Variants in NWD2 observed in about 807,000 individuals in gnomAD.
The protein encoded by NWD2 is NACHT and WD repeat domain containing 2, also known as NACHT and WD repeat domain-containing protein 2.
In NWD2, 37 loss-of-function variants were observed where a neutral mutation model predicts 132.7. That is an observed-to-expected ratio of 0.28 (90% confidence interval 0.21 to 0.37). The LOEUF is 0.37. Among genes scored for constraint, NWD2 ranks in the 10% least tolerant of loss-of-function variants. The pLI is 1.00. For synonymous variants in NWD2, 705 were observed against 803.0 expected (o/e 0.88, Z 2.06); for missense variants, 1,592 against 2,122.4 (o/e 0.75, Z 4.91).
intron 2 of NWD2, among the ~76,000 whole-genome samples, chr4:37,326,459 A>G (rs1467796489): frequency 6.6e-6 from 1 of 152,074 alleles, no homozygotes; most frequent in Non-Finnish European, 1.5e-5. Flanking sequence ...TTTTATTCAC[A>G]TTGTAGAACA....
intron 3 of NWD2, among the ~76,000 whole-genome samples, chr4:37,399,756 G>A (rs565926254): frequency 6.6e-6 from 1 of 152,186 alleles, no homozygotes; most frequent in African/African-American, 2.4e-5. Context: ...ACTTGGGATT[G>A]TAATTTTATG....
chr4:37,288,356 G>A (rs986237631), intron 1 of NWD2, among the ~76,000 whole-genome samples: 12 of 152,194 alleles, frequency 7.9e-5, no homozygotes, highest in East Asian at 3.8e-4. Context: ...TGTCAACAAA[G>A]ATAAAGCCAA....
intron 1 of NWD2, among the ~76,000 whole-genome samples, chr4:37,298,053 G>C (rs1278247679): frequency 6.6e-6 from 1 of 152,104 alleles, no homozygotes; most frequent in African/African-American, 2.4e-5. Flanking sequence ...TCAGAAAGGA[G>C]GTACTTATTG....
chr4:37,333,924 A>C lies in NWD2; in HGVS notation c.240+7900A>C, dbSNP rs1719344394. Among the ~76,000 whole-genome samples, 4 of 152,234 alleles carry C rather than the reference A, an allele frequency of 2.6e-5. No individual in the cohort carries two copies. The South Asian group carries it at 8.3e-4, about 32-fold the overall frequency. On this transcript the variant is annotated intron_variant, in intron 2 of 6. Coordinates refer to ENST00000309447, the MANE Select transcript of NWD2 (RefSeq NM_001144990.2). ...TCTGGAGTTGAAAAGTGCAGTTGACATACTGAGGAATGTATCAGAGTCTCT... is the reference window on the plus strand; with the variant it reads ...TCTGGAGTTGAAAAGTGCAGTTGACCTACTGAGGAATGTATCAGAGTCTCT...
intron 3 of NWD2, among the ~76,000 whole-genome samples, chr4:37,424,590 A>C (rs1711938584): frequency 6.6e-6 from 1 of 152,232 alleles, no homozygotes; most frequent in Non-Finnish European, 1.5e-5. Context: ...AGAATAGGGC[A>C]TTTAAAGAGT....
At chr4:37,297,172 CA>C (rs1718512826) in intron 1 of NWD2, among the ~76,000 whole-genome samples, 1 of 144,692 alleles carries the variant, frequency 6.9e-6, no homozygotes, top group Admixed American at 6.7e-5. Flanking sequence ...CAGGATCCCT[CA>C]CAGACACCAA....
At chr4:37,407,751 G>A (rs1291216470) in intron 3 of NWD2, among the ~76,000 whole-genome samples, 2 of 152,212 alleles carry the variant, frequency 1.3e-5, no homozygotes, top group African/African-American at 4.8e-5. Flanking sequence ...CAACATGGTG[G>A]AATAGGATCA....
chr4:37,407,564 A>G (rs1037953656), intron 3 of NWD2, among the ~76,000 whole-genome samples: 8 of 152,210 alleles, frequency 5.3e-5, no homozygotes, highest in African/African-American at 1.9e-4. Flanking sequence ...CAGTGACGTG[A>G]GAGGGAGTGG....
At chr4:37,395,490 C>T (rs1284714995) in intron 3 of NWD2, among the ~76,000 whole-genome samples, 1 of 140,294 alleles carries the variant, frequency 7.1e-6, no homozygotes, top group Non-Finnish European at 1.5e-5. Flanking sequence ...CAGTCCCACA[C>T]CCAGTTTAAA....
chr4:37,272,394 A>G (rs1287279552), intron 1 of NWD2, among the ~76,000 whole-genome samples: 1 of 151,814 alleles, frequency 6.6e-6, no homozygotes, highest in Non-Finnish European at 1.5e-5. Flanking sequence ...AGTTGACAAA[A>G]TATACCATCG....
At chr4:37,350,343 T>C (rs1004655964) in intron 2 of NWD2, among the ~76,000 whole-genome samples, 25 of 152,186 alleles carry the variant, frequency 1.6e-4, no homozygotes, top group African/African-American at 5.8e-4. Context: ...TTTGTTTGTG[T>C]CCTCTCTTAC....
At chr4:37,421,846 AT>A (rs1032123228) in intron 3 of NWD2, among the ~76,000 whole-genome samples, 5 of 151,296 alleles carry the variant, frequency 3.3e-5, no homozygotes, top group Admixed American at 1.3e-4. Context: ...AAACAACAGA[AT>A]TTTTTTTTCA....
At chr4:37,315,243 G>T (rs904601984) in intron 1 of NWD2, among the ~76,000 whole-genome samples, 1 of 151,996 alleles carries the variant, frequency 6.6e-6, no homozygotes, top group African/African-American at 2.4e-5. Flanking sequence ...GTAAAGAATT[G>T]CATTCTGCTC....
intron 2 of NWD2, among the ~76,000 whole-genome samples, chr4:37,327,356 G>C (rs1038967292): frequency 1.3e-5 from 2 of 152,170 alleles, no homozygotes; most frequent in Non-Finnish European, 2.9e-5. Context: ...ACTAGAGGTA[G>C]GCACAGAAGA....
chr4:37,281,819 C>T (rs1718135770), intron 1 of NWD2, among the ~76,000 whole-genome samples: 1 of 152,058 alleles, frequency 6.6e-6, no homozygotes, highest in African/African-American at 2.4e-5. Context: ...ATCATGGTTA[C>T]AATCAAATTA....
intron 1 of NWD2, among the ~76,000 whole-genome samples, chr4:37,267,918 G>A (rs1717790045): frequency 6.6e-6 from 1 of 151,802 alleles, no homozygotes; most frequent in Non-Finnish European, 1.5e-5. Flanking sequence ...TGAAACCATG[G>A]TGTTCTGCCT....
At chr4:37,402,684 G>T (rs1720920176) in intron 3 of NWD2, among the ~76,000 whole-genome samples, 1 of 152,172 alleles carries the variant, frequency 6.6e-6, no homozygotes, top group Non-Finnish European at 1.5e-5. Flanking sequence ...GCTGGGATTA[G>T]AAATGCTAAT....
At chr4:37,261,365 T>G (rs1324575431) in intron 1 of NWD2, among the ~76,000 whole-genome samples, 1 of 152,236 alleles carries the variant, frequency 6.6e-6, no homozygotes, top group African/African-American at 2.4e-5. Context: ...TAAACCAGAA[T>G]GTTTATTTCC....
At position 37,446,818 on chromosome 4, in the gene NWD2, C is replaced by T. The variant is rs968562501; in HGVS notation, c.4830C>T (p.Ile1610=). 43 of 1,551,716 alleles carry T rather than the reference C, an allele frequency of 2.8e-5. No individual in the cohort carries two copies. Among genetic ancestry groups the T allele is most frequent in the Non-Finnish European group, 3.5e-5 (40 of 1,147,060 alleles). ...IVMRLADGKN[I]GACSLYKTPT... ...TGAGACTGGCAGATGGCAAAAATAT[C>T]GGTGCTTGTTCCCTTTACAAAACAC... The change falls in exon 7 of 7, where the codon ATC becomes ATT. Residue 1610 remains isoleucine, a synonymous_variant. Coordinates refer to ENST00000309447, the MANE Select transcript of NWD2 (RefSeq NM_001144990.2). The surrounding 1 kb of genome is among the most constrained non-coding windows in gnomAD (Gnocchi z 6.7).
Sources: gnomAD v4.1 joint callset for allele counts (sites outside exome capture counted in the v4.1 genomes callset) on GRCh38, gnomAD v4.1.1 for gene constraint, Gnocchi (gnomAD v3.1) non-coding constraint, MANE v1.5 for transcripts, NCBI Gene and HGNC (gene_info 2026-07-23, HGNC 2026-07-21) for gene names.